The following KALRN variants were observed in gnomAD, a reference collection of about 807,000 sequenced individuals.
KALRN encodes kalirin.
In KALRN, 70 loss-of-function variants were observed where a neutral mutation model predicts 353.7. The observed-to-expected ratio is 0.20, with a 90% CI of 0.16 to 0.24. The LOEUF is 0.24. Ranked by LOEUF, KALRN falls within the 10% of genes least tolerant of loss-of-function variation. The probability of loss-of-function intolerance (pLI) is 1.00; values close to 1 mark genes in which losing one functional copy is unlikely to be tolerated. For missense variants in KALRN, 2,791 were observed against 3,756.7 expected, an observed-to-expected ratio of 0.74 and a Z score of 6.72; for synonymous variants, 1,391 against 1,434.8, an observed-to-expected ratio of 0.97 and a Z score of 0.69.
chr3:124,679,692 G>A lies in KALRN; in HGVS notation c.7377+175G>A, dbSNP rs150896870. On this transcript the variant is annotated intron_variant, in intron 51 of 59. Coordinates refer to ENST00000682506, the MANE Select transcript of KALRN (RefSeq NM_001388419.1). ...ACAAACAAAAACATAATTCAGTTCA[G>A]TGTTGGTAGAAAACTCTACCTAGAT... is the stretch of plus-strand genomic sequence containing the variant. 2.7e-4 allele frequency: 190 copies of A among 707,140 alleles called. No individual in the cohort carries two copies. The African/African-American group carries it at 3.0e-3, about 11-fold the overall frequency. The allele number at this position is 707,140 out of a possible 1,614,324, so 43.8% of individuals were successfully genotyped here.
At chr3:124,624,595 C>T (rs543319511) in intron 34 of KALRN, among the ~76,000 whole-genome samples, 2 of 152,276 alleles carry the variant, frequency 1.3e-5, no homozygotes, top group South Asian at 4.2e-4. Flanking sequence ...TTATTCTAAC[C>T]CCCAAGATGG....
At chr3:124,659,323 C>T (rs1278696317) in intron 42 of KALRN, 42 bp from the exon 43 acceptor site, 1 of 1,367,616 alleles carries the variant, frequency 7.3e-7, no homozygotes, top group East Asian at 2.3e-5. Flanking sequence ...CACCCCAGTT[C>T]TTCAGTTCCT....
intron 3 of KALRN, among the ~76,000 whole-genome samples, chr3:124,257,297 C>T (rs1056378051): frequency 4.6e-5 from 7 of 152,196 alleles, no homozygotes; most frequent in African/African-American, 1.7e-4. Context: ...CCTTGGATCA[C>T]TATGGGGAGA....
At chr3:124,306,185 C>A (rs1481717385) in intron 6 of KALRN, among the ~76,000 whole-genome samples, 1 of 152,106 alleles carries the variant, frequency 6.6e-6, no homozygotes, top group Admixed American at 6.5e-5. Context: ...AGCGGTCCTC[C>A]CACCTCAGCC....
intron 7 of KALRN, among the ~76,000 whole-genome samples, chr3:124,326,997 T>C (rs1393928111): frequency 2.6e-5 from 4 of 152,208 alleles, no homozygotes; most frequent in Non-Finnish European, 4.4e-5. Flanking sequence ...ACCGTACAAT[T>C]GTGTGCTATG....
chr3:124,123,542 A>C (rs1402091014), intron 1 of KALRN, among the ~76,000 whole-genome samples: 2 of 152,250 alleles, frequency 1.3e-5, no homozygotes, highest in African/African-American at 4.8e-5. Flanking sequence ...TCTTTACAAC[A>C]TAAAAATGCA....
intron 1 of KALRN, among the ~76,000 whole-genome samples, chr3:124,167,714 C>G (rs2071096667): frequency 6.6e-6 from 1 of 152,224 alleles, no homozygotes; most frequent in Non-Finnish European, 1.5e-5. Context: ...GCAGCAAAGT[C>G]TGGTTGGGAT....
At chr3:124,281,184 G>C (rs892910829) in intron 5 of KALRN, among the ~76,000 whole-genome samples, 1 of 152,062 alleles carries the variant, frequency 6.6e-6, no homozygotes, top group African/African-American at 2.4e-5. Context: ...TCCCACTCTT[G>C]GTTTGTTCAC....
At chr3:124,288,559 G>A (rs548141395) in intron 5 of KALRN, among the ~76,000 whole-genome samples, 6 of 152,266 alleles carry the variant, frequency 3.9e-5, no homozygotes, top group Non-Finnish European at 7.4e-5. Flanking sequence ...TACCTGGTTA[G>A]GAAGATTGGA....
chr3:124,362,638 A>G (rs2149696121), intron 10 of KALRN, among the ~76,000 whole-genome samples: 1 of 152,396 alleles, frequency 6.6e-6, no homozygotes, highest in East Asian at 1.9e-4. Context: ...GTTTCACACC[A>G]TGGGCTATTT....
intron 34 of KALRN, among the ~76,000 whole-genome samples, chr3:124,621,643 C>T (rs568953376): frequency 6.6e-6 from 1 of 152,226 alleles, no homozygotes. Flanking sequence ...TTCCCGGCCC[C>T]ATTTCCTGTT....
chr3:124,520,570 G>T (rs569627329), intron 33 of KALRN, among the ~76,000 whole-genome samples: 1 of 151,998 alleles, frequency 6.6e-6, no homozygotes. Flanking sequence ...CCACCTGCTC[G>T]CCCCTCCCAT....
At chr3:124,392,922 T>TTA (rs1560784336) in intron 11 of KALRN, among the ~76,000 whole-genome samples, 3 of 146,480 alleles carry the variant, frequency 2.0e-5, no homozygotes, top group African/African-American at 7.5e-5. Context: ...TATCTCCCAA[T>TTA]GCTATCCCTC....
At chr3:124,048,420 T>G (rs1043398624) in intron 1 of KALRN, among the ~76,000 whole-genome samples, 2 of 152,188 alleles carry the variant, frequency 1.3e-5, no homozygotes, top group Non-Finnish European at 2.9e-5. Flanking sequence ...CCTGTTATTC[T>G]GCAACTTGTT....
At position 124,696,118 on chromosome 3, in the gene KALRN, CT is replaced by C; in HGVS notation, c.7578-12del. 1 of 1,613,120 alleles carries C rather than the reference CT, an allele frequency of 6.2e-7. No homozygotes were observed. Among genetic ancestry groups the C allele is most frequent in the Non-Finnish European group, 8.5e-7 (1 of 1,179,408 alleles). ...TCATTACTGGAGTCTGAAGAGCATC[CT>C]TTTGGTGTCCCTAGTGATTCTGGAG... On this transcript the variant is annotated splice_polypyrimidine_tract_variant and intron_variant, in intron 53 of 59. Transcript: ENST00000682506.
intron 34 of KALRN, among the ~76,000 whole-genome samples, chr3:124,615,603 A>G (rs62267609): frequency 0.18 from 26,802 of 152,196 alleles, 2,631 homozygotes; most frequent in South Asian, 0.23. Flanking sequence ...TATAGGAATT[A>G]TTTGTACTAG....
chr3:124,287,770 G>GATATAT (rs58694397), intron 5 of KALRN, among the ~76,000 whole-genome samples: 12 of 114,588 alleles, frequency 1.0e-4, no homozygotes, highest in South Asian at 2.5e-4. Flanking sequence ...GGCCTAGGAA[G>GATATAT]ATATATATAT....
At chr3:124,637,904 G>A (rs571474430) in intron 37 of KALRN, among the ~76,000 whole-genome samples, 15 of 152,344 alleles carry the variant, frequency 9.8e-5, no homozygotes, top group South Asian at 4.1e-4. Context: ...CCATCAGCCC[G>A]TTGGAGGGAT....
intron 34 of KALRN, among the ~76,000 whole-genome samples, chr3:124,579,455 A>G (rs2074423309): frequency 6.6e-6 from 1 of 152,202 alleles, no homozygotes; most frequent in African/African-American, 2.4e-5. Context: ...CTTTAAATAT[A>G]TTGCTTATAG....
Sources: gnomAD v4.1 joint callset for allele counts (sites outside exome capture counted in the v4.1 genomes callset) on GRCh38, gnomAD v4.1.1 for gene constraint, MANE v1.5 for transcripts, NCBI Gene and HGNC (gene_info 2026-07-23, HGNC 2026-07-21) for gene names.